The following NOL6 variants were observed in gnomAD, a reference collection of about 807,000 sequenced individuals.
NOL6 encodes the protein nucleolar protein 6.
NOL6 carries 33 observed loss-of-function variants against 131.7 expected under a neutral mutation model. The ratio of observed to expected loss-of-function variants is 0.25; its 90% CI spans 0.19 to 0.33. The LOEUF is 0.33. Ranked by LOEUF, NOL6 falls within the 10% of genes least tolerant of loss-of-function variation. NOL6 has a pLI of 1.00. For synonymous variants in NOL6, 580 were observed against 605.7 expected, an observed-to-expected ratio of 0.96 and a Z score of 0.62; for missense variants, 1,297 against 1,494.5, an observed-to-expected ratio of 0.87 and a Z score of 2.18.
chr9:33,469,197 G>T lies in NOL6; in HGVS notation c.862+10C>A, dbSNP rs1167712522. On this transcript the variant is annotated intron_variant, in intron 6 of 25. Transcript: ENST00000297990. ...CCTCCAGCTCCACCTCAACACCAGG[G>T]CCTGCTCACCATCCCCTGCAGGACT... 2 of 1,614,190 alleles carry T rather than the reference G, an allele frequency of 1.2e-6. No homozygotes were observed. Among genetic ancestry groups the T allele is most frequent in the Admixed American group, 3.3e-5 (2 of 60,024 alleles).
intron 22 of NOL6, 58 bp downstream of exon 22, chr9:33,463,979 G>C: frequency 1.9e-6 from 3 of 1,613,156 alleles, no homozygotes; most frequent in South Asian, 2.2e-5. Flanking sequence ...GGTCAGGCTG[G>C]GCCTGCTTTT....
rs1037659962 is a variant in NOL6 at position 33,473,821 on chromosome 9, C to G, written c.22G>C (p.Glu8Gln). 6.2e-7 allele frequency: 1 copy of G among 1,611,656 alleles called. No individual in the cohort carries two copies. Among genetic ancestry groups the G allele is most frequent in the African/African-American group, 1.3e-5 (1 of 75,052 alleles). Residue 8 changes from glutamate (E) to glutamine (Q), a missense_variant, in exon 1 of 26, where the codon GAG (glutamate) becomes CAG (glutamine). Physicochemically the swap from Glu to Gln is conservative, Grantham distance 29. Transcript: ENST00000297990. MGPAPAG[E>Q]QLRGATGEPE... ...TCTCCAGTCGCTCCGCGAAGCTGCTCTCCAGCTGGCGCCGGCCCCATCACT... is the reference window on the plus strand; with the variant it reads ...TCTCCAGTCGCTCCGCGAAGCTGCTGTCCAGCTGGCGCCGGCCCCATCACT...
intron 21 of NOL6, among the ~76,000 whole-genome samples, chr9:33,464,518 G>T (rs775488201): frequency 1.7e-4 from 26 of 151,966 alleles, no homozygotes; most frequent in Non-Finnish European, 2.9e-4. Flanking sequence ...AGTGCCTCAC[G>T]TTACAACCAG....
At position 33,465,825 on chromosome 9, in the gene NOL6, C is replaced by G; in HGVS notation, c.2437G>C (p.Glu813Gln). 1 of 1,614,150 alleles carries G rather than the reference C, an allele frequency of 6.2e-7. No homozygotes were observed. Among genetic ancestry groups the G allele is most frequent in the Non-Finnish European group, 8.5e-7 (1 of 1,180,008 alleles). Residue 813 changes from glutamate to glutamine, a missense_variant, in exon 19 of 26, where the codon GAG becomes CAG. Physicochemically the swap from Glu to Gln is conservative, Grantham distance 29. Transcript: ENST00000297990. ...PQILKEVQSPEGMISLRDTAA... is the reference protein window; with the variant it reads ...PQILKEVQSPQGMISLRDTAA... ...GTGTCCCTCAGCGAGATCATCCCCTCTGGGCTCTGCACCTCCTTCAGGATC... is the reference window on the plus strand; with the variant it reads ...GTGTCCCTCAGCGAGATCATCCCCTGTGGGCTCTGCACCTCCTTCAGGATC...
chr9:33,469,250 A>G lies in NOL6; in HGVS notation c.819T>C (p.Asn273=), dbSNP rs1243402104. The G allele has an allele frequency of 1.2e-6, 2 of 1,614,132 alleles. No homozygotes were observed. ...GCCCTCGGTACCAGGCAGAGCGCAC[A>G]TTGTTCTTGGTTGGCAGCAAGCGGC... is the stretch of plus-strand genomic sequence containing the variant. ...RPCRLLPTKN[N]VRSAWYRGQS... The change falls in exon 6 of 26, where the codon AAT becomes AAC. Residue 273 remains asparagine (N), a synonymous_variant. Transcript: ENST00000297990.
Position 33,467,577 on chromosome 9 carries a change from A to C in NOL6, c.1603-61T>G. 2.5e-6 allele frequency: 4 copies of C among 1,598,768 alleles called. No individual in the cohort carries two copies. The Admixed American group carries it at 5.1e-5, about 20-fold the overall frequency. ...ATCCTCCAGCCTGGCCTAGAAACCT[A>C]CTTTCTAGCTAGCTAGAAACGCCTA... On this transcript the variant is annotated intron_variant, in intron 12 of 25. Transcript: ENST00000297990. The surrounding 1 kb of genome is among the most constrained non-coding windows in gnomAD (Gnocchi z 4.4).
chr9:33,472,529 G>A, intron 1 of NOL6, 117 bp from the exon 2 acceptor site: 2 of 780,492 alleles, frequency 2.6e-6, no homozygotes, highest in Non-Finnish European at 4.2e-6. Flanking sequence ...CCTCTTTTGA[G>A]TAGGAGTCAG....
Position 33,472,374 on chromosome 9 carries a change from C to T in NOL6, c.93G>A (p.Gly31=). The change falls in exon 2 of 26, where the codon GGG becomes GGA. Residue 31 remains glycine (G), a synonymous_variant. Transcript: ENST00000297990. ...EPALEGTGKE[G]KKASSRKRTL... is the part of the protein sequence containing the mutation. ...TACGCTTCCTGGAGGATGCTTTCTT[C>T]CCCTCTTTGCCTGTGCCTTCCAGGG... 1.2e-6 allele frequency: 2 copies of T among 1,614,164 alleles called. No homozygotes were observed. The highest frequency in any genetic ancestry group is 1.1e-5 in the South Asian group (1 of 91,084).
chr9:33,466,310 G>A lies in NOL6; in HGVS notation c.2207C>T (p.Thr736Ile), dbSNP rs760597541. 1.9e-6 allele frequency: 3 copies of A among 1,614,008 alleles called. No homozygotes were observed. Among genetic ancestry groups the A allele is most frequent in the Non-Finnish European group, 2.5e-6 (3 of 1,180,028 alleles). ...CTCCCTCCCAAGGGCCCTCTTACCG[G>A]TCATGGGCTCCACGTAGGCCGGACA... ...KPCPAYVEPM[T>I]VVCHLEGSGQ... Residue 736 changes from threonine (T) to isoleucine (I), a missense_variant and splice_region_variant, in exon 17 of 26, where the codon ACC becomes ATC. Coordinates refer to ENST00000297990, the MANE Select transcript of NOL6 (RefSeq NM_022917.5).
intron 23 of NOL6, 118 bp from the exon 24 acceptor site, chr9:33,463,559 CA>C (rs1052848688): frequency 3.2e-6 from 3 of 926,036 alleles, no homozygotes; most frequent in Non-Finnish European, 4.9e-6. Flanking sequence ...TCTATGGGCC[CA>C]CCTGCCCATT....
intron 23 of NOL6, 79 bp downstream of exon 23, chr9:33,463,752 C>T (rs1827163730): frequency 6.9e-7 from 1 of 1,455,504 alleles, no homozygotes; most frequent in Non-Finnish European, 9.6e-7. Context: ...GACCGGGTCT[C>T]CTGTGAGATC....
Position 33,467,082 on chromosome 9 carries a change from C to A in NOL6, c.1874+32G>T. The stretch of plus-strand genomic sequence containing the variant: ...CCCTGAAAAGGCTCCCCAGCCCACA[C>A]TGCCTTCTGGAATCCAGATGCCAAC... On this transcript the variant is annotated intron_variant, in intron 14 of 25. Coordinates refer to ENST00000297990, the MANE Select transcript of NOL6 (RefSeq NM_022917.5). This position sits in a 1 kb window ranked among gnomAD's most constrained non-coding sequence, Gnocchi z 4.4. 1.2e-6 allele frequency: 2 copies of A among 1,613,510 alleles called. No homozygotes were observed. The highest frequency in any genetic ancestry group is 8.5e-7 in the Non-Finnish European group (1 of 1,179,422).
In NOL6 at chr9:33,469,538, C is replaced by G. The variant is rs766821612; in HGVS notation, c.688G>C (p.Gly230Arg). 8.7e-6 allele frequency: 14 copies of G among 1,610,102 alleles called. No individual in the cohort carries two copies. The highest frequency in any genetic ancestry group is 6.7e-5 in the African/African-American group (5 of 74,666). Residue 230 changes from glycine to arginine, a missense_variant, in exon 5 of 26, where the codon GGC becomes CGC. Transcript: ENST00000297990. Reference sequence around the variant, plus strand: ...AACAGTGAGGGTTTCAGGTGGCAGCCATTTGTGTAGGAGAAGCAAACACTG... The same window carrying G: ...AACAGTGAGGGTTTCAGGTGGCAGCGATTTGTGTAGGAGAAGCAAACACTG... ...FGSVCFSYTN[G>R]CHLKPSLLLR...
At chr9:33,469,789 T>A (rs1307305826) in intron 4 of NOL6, 122 bp from the exon 5 acceptor site, 1 of 1,235,260 alleles carries the variant, frequency 8.1e-7, no homozygotes, top group Non-Finnish European at 1.1e-6. Context: ...TGAGCCACGG[T>A]TAGCAACACT....
rs764359818 is a variant in NOL6, at chr9:33,462,200, C to T, written c.*464G>A. The T allele has an allele frequency of 1.5e-5, 11 of 717,324 alleles. No individual in the cohort carries two copies. The highest frequency in any genetic ancestry group is 5.4e-5 in the East Asian group (2 of 37,306). 44.4% of individuals were successfully genotyped at this position (717,324 alleles called of 1,614,324 possible). On this transcript the variant is annotated 3_prime_UTR_variant, in exon 26 of 26. Coordinates refer to ENST00000297990, the MANE Select transcript of NOL6 (RefSeq NM_022917.5). ...ATGTGACTCAGAAGGGCCACATTTT[C>T]GCTGGGTCCCATCTAAAGGCCTGAC...
intron 20 of NOL6, 45 bp downstream of exon 20, chr9:33,465,162 G>A: frequency 6.4e-7 from 1 of 1,559,934 alleles, no homozygotes; most frequent in Non-Finnish European, 8.7e-7. Flanking sequence ...ATGATGGCTG[G>A]CCGCAAGGAA....
At position 33,469,542 on chromosome 9, in the gene NOL6, T is replaced by G. The variant is rs556065783; in HGVS notation, c.684A>C (p.Thr228=). The G allele has an allele frequency of 6.2e-7, 1 of 1,609,680 alleles. No homozygotes were observed. Among genetic ancestry groups the G allele is most frequent in the East Asian group, 2.2e-5 (1 of 44,840 alleles). The change falls in exon 5 of 26, where the codon ACA becomes ACC. Residue 228 remains threonine (T), a synonymous_variant. Coordinates refer to ENST00000297990, the MANE Select transcript of NOL6 (RefSeq NM_022917.5). Reference sequence around the variant, plus strand: ...GTGAGGGTTTCAGGTGGCAGCCATTTGTGTAGGAGAAGCAAACACTGCCAA... The same window carrying G: ...GTGAGGGTTTCAGGTGGCAGCCATTGGTGTAGGAGAAGCAAACACTGCCAA... ...PLFGSVCFSY[T]NGCHLKPSLL...
At chr9:33,469,833 CA>C in intron 4 of NOL6, 166 bp from the exon 5 acceptor site, 2 of 1,041,408 alleles carry the variant, frequency 1.9e-6, no homozygotes, top group Non-Finnish European at 1.4e-6. Flanking sequence ...AGCAAAGCTC[CA>C]AAAGGACAGC....
intron 23 of NOL6, 72 bp downstream of exon 23, chr9:33,463,759 G>T: frequency 6.7e-7 from 1 of 1,499,432 alleles, no homozygotes; most frequent in Non-Finnish European, 9.2e-7. Context: ...TCTCCTGTGA[G>T]ATCCCTGAAC....
Sources: allele counts gnomAD v4.1 joint callset (sites outside exome capture counted in the v4.1 genomes callset), GRCh38; gene constraint gnomAD v4.1.1; non-coding constraint Gnocchi (gnomAD v3.1); transcripts MANE v1.5; gene names NCBI Gene and HGNC (gene_info 2026-07-23, HGNC 2026-07-21).